CABCOCO1: variants seen among roughly 807,000 people sequenced by gnomAD.
CABCOCO1 encodes ciliary-associated calcium-binding coiled-coil protein 1.
Under a neutral mutation model 35.7 loss-of-function variants are expected in CABCOCO1, and 28 were observed. The observed-to-expected ratio is 0.78, with a 90% CI of 0.58 to 1.07. The LOEUF (loss-of-function observed/expected upper bound fraction) is 1.07, where lower values mean the gene tolerates loss of function less well. CABCOCO1 is among the 50% of genes least tolerant of loss of function. The pLI is 0.00. For missense variants in CABCOCO1, 326 were observed against 309.2 expected, an observed-to-expected ratio of 1.05 and a Z score of -0.41; for synonymous variants, 95 against 100.1, an observed-to-expected ratio of 0.95 and a Z score of 0.30.
chr10:61,745,319 T>A (rs1174956622), intron 5 of CABCOCO1, among the ~76,000 whole-genome samples: 1 of 152,190 alleles, frequency 6.6e-6, no homozygotes, highest in Non-Finnish European at 1.5e-5. Flanking sequence ...CCAGGTCACT[T>A]AATACCACTT....
At chr10:61,699,055 A>C (rs1428516067) in intron 5 of CABCOCO1, among the ~76,000 whole-genome samples, 1 of 152,112 alleles carries the variant, frequency 6.6e-6, no homozygotes, top group African/African-American at 2.4e-5. Flanking sequence ...CTATTAGCAA[A>C]CTGCTGGAAG....
intron 5 of CABCOCO1, among the ~76,000 whole-genome samples, chr10:61,730,561 A>G (rs1411718244): frequency 1.3e-5 from 2 of 152,230 alleles, no homozygotes; most frequent in East Asian, 3.9e-4. Context: ...ATGAATGATC[A>G]AAGAGTGCTG....
chr10:61,680,701 T>A (rs1398907568), intron 2 of CABCOCO1, among the ~76,000 whole-genome samples: 1 of 121,876 alleles, frequency 8.2e-6, no homozygotes, highest in Non-Finnish European at 1.7e-5. Flanking sequence ...AACATATATA[T>A]GTTATACATG....
chr10:61,680,317 A>ATATATATAT (rs768186050), intron 2 of CABCOCO1, among the ~76,000 whole-genome samples: 46 of 140,492 alleles, frequency 3.3e-4, no homozygotes, highest in South Asian at 6.4e-4. Flanking sequence ...TCTCAAAAAA[A>ATATATATAT]ATATATATAT....
chr10:61,743,448 T>A (rs1841591909), intron 5 of CABCOCO1, among the ~76,000 whole-genome samples: 1 of 152,174 alleles, frequency 6.6e-6, no homozygotes, highest in Non-Finnish European at 1.5e-5. Flanking sequence ...AATTTCCCTT[T>A]CCATTTTTCT....
chr10:61,755,564 A>G (rs1264987311), intron 5 of CABCOCO1, among the ~76,000 whole-genome samples: 2 of 152,108 alleles, frequency 1.3e-5, no homozygotes, highest in Admixed American at 6.6e-5. Context: ...CTATGTGCCT[A>G]TGGCTCAAAA....
chr10:61,724,778 T>C (rs1021270561), intron 5 of CABCOCO1, among the ~76,000 whole-genome samples: 1 of 152,162 alleles, frequency 6.6e-6, no homozygotes, highest in Admixed American at 6.5e-5. Flanking sequence ...GTTAATATCT[T>C]CAGCATCTCA....
At chr10:61,706,341 T>G (rs974371804) in intron 5 of CABCOCO1, among the ~76,000 whole-genome samples, 21 of 152,232 alleles carry the variant, frequency 1.4e-4, no homozygotes, top group African/African-American at 4.6e-4. Flanking sequence ...AAATAATGAA[T>G]GTTTTTGAAA....
At position 61,760,859 on chromosome 10, in the gene CABCOCO1, C is replaced by G; in HGVS notation, c.676-4C>G. On this transcript the variant is annotated splice_region_variant and splice_polypyrimidine_tract_variant and intron_variant, in intron 6 of 7. Transcript: ENST00000648843. ...CCGAGTGCTATTTACTTTCAATATT[C>G]TAGAGGTTGGATCAAGAACAAGGCC... is the stretch of plus-strand genomic sequence containing the variant. The G allele has an allele frequency of 1.2e-6, 2 of 1,609,950 alleles. No homozygotes were observed. Among genetic ancestry groups the G allele is most frequent in the East Asian group, 2.2e-5 (1 of 44,828 alleles).
chr10:61,711,434 G>A (rs1042985705), intron 5 of CABCOCO1, among the ~76,000 whole-genome samples: 1 of 151,754 alleles, frequency 6.6e-6, no homozygotes, highest in Non-Finnish European at 1.5e-5. Flanking sequence ...TCATCAAGAG[G>A]ACATAAAAAT....
chr10:61,674,859 CT>C (rs746942565), intron 2 of CABCOCO1, among the ~76,000 whole-genome samples: 1 of 152,078 alleles, frequency 6.6e-6, no homozygotes, highest in Non-Finnish European at 1.5e-5. Context: ...GTAACCTTGA[CT>C]TTATTTATAG....
At chr10:61,700,961 A>G (rs1463682110) in intron 5 of CABCOCO1, among the ~76,000 whole-genome samples, 1 of 151,850 alleles carries the variant, frequency 6.6e-6, no homozygotes, top group Non-Finnish European at 1.5e-5. Flanking sequence ...ATACATATAC[A>G]TACATGTATA....
intron 4 of CABCOCO1, 53 bp from the exon 5 acceptor site, chr10:61,690,496 G>GT (rs892568421): frequency 2.3e-4 from 289 of 1,239,918 alleles, no homozygotes; most frequent in South Asian, 3.9e-4. Context: ...TACATATTGT[G>GT]TTTTTTTTCC....
In CABCOCO1 at chr10:61,760,293, A is replaced by G. The variant is rs1841982719; in HGVS notation, c.675+112A>G. 5 of 1,351,932 alleles carry G rather than the reference A, an allele frequency of 3.7e-6. 1 individual carries two copies. The highest frequency in any genetic ancestry group is 4.7e-5 in the East Asian group (2 of 42,582). 83.7% of individuals were successfully genotyped at this position (1,351,932 alleles called of 1,614,324 possible). On this transcript the variant is annotated intron_variant, in intron 6 of 7. Transcript: ENST00000648843. ...TTTTCTTTGCCTCTGATTTTTCCCA[A>G]CCAAATACAAATATTTCTCTAAGTG...
At chr10:61,693,698 G>T (rs963510712) in intron 5 of CABCOCO1, among the ~76,000 whole-genome samples, 1 of 152,038 alleles carries the variant, frequency 6.6e-6, no homozygotes, top group African/African-American at 2.4e-5. Context: ...CTTGCAATTT[G>T]AACTGGCTGG....
At chr10:61,742,051 A>G (rs762186996) in intron 5 of CABCOCO1, among the ~76,000 whole-genome samples, 3 of 152,142 alleles carry the variant, frequency 2.0e-5, no homozygotes, top group Non-Finnish European at 4.4e-5. Flanking sequence ...GGAACAGGAT[A>G]GTGGCGTGGA....
rs1342903647 is a variant in CABCOCO1 at position 61,680,523 on chromosome 10, TTA to T, written c.165-616_165-615del. ...GTTATATTATGTTATATATAACATATTATATGTTATATTATGTTATATATAAC... is the reference window on the plus strand; with the variant it reads ...GTTATATTATGTTATATATAACATATTATGTTATATTATGTTATATATAAC... On this transcript the variant is annotated intron_variant, in intron 2 of 7. Coordinates refer to ENST00000648843, the MANE Select transcript of CABCOCO1 (RefSeq NM_001366906.2). Among the ~76,000 whole-genome samples the T allele has an allele frequency of 2.9e-5, 4 of 136,582 alleles. No homozygotes were observed. In the East Asian group the frequency reaches 6.2e-4, roughly 21 times the overall value. The allele number at this position is 136,582 out of a possible 152,430, so 89.6% of individuals were successfully genotyped here.
intron 5 of CABCOCO1, among the ~76,000 whole-genome samples, chr10:61,751,236 T>TC (rs1554826432): frequency 1.5e-5 from 2 of 135,100 alleles, no homozygotes; most frequent in East Asian, 2.1e-4. Context: ...TTTTTTTTTT[T>TC]CATATAACAA....
At position 61,679,789 on chromosome 10, in the gene CABCOCO1, C is replaced by T. The variant is rs561822280; in HGVS notation, c.165-1354C>T. ...TCAGAAAGATATAACCATGAGAAGA[C>T]AAAAAATATAATCAACTATTTTATC... On this transcript the variant is annotated intron_variant, in intron 2 of 7. Transcript: ENST00000648843. Among the ~76,000 whole-genome samples, 6 of 151,838 alleles carry T rather than the reference C, an allele frequency of 4.0e-5. No homozygotes were observed. In the South Asian group the frequency reaches 8.3e-4, roughly 21 times the overall value.
Sources: gnomAD v4.1 joint callset for allele counts (sites outside exome capture counted in the v4.1 genomes callset) on GRCh38, gnomAD v4.1.1 for gene constraint, MANE v1.5 for transcripts, NCBI Gene and HGNC (gene_info 2026-07-23, HGNC 2026-07-21) for gene names.